The following ADGRL3 variants were observed in gnomAD, a reference collection of about 807,000 sequenced individuals.
The protein encoded by ADGRL3 is calcium-independent alpha-latrotoxin receptor 3.
In ADGRL3, 62 loss-of-function variants were observed where a neutral mutation model predicts 153.5. That is an observed-to-expected ratio of 0.40 (90% CI 0.33 to 0.50). The LOEUF (loss-of-function observed/expected upper bound fraction) is 0.50. Ranked by LOEUF, ADGRL3 falls within the 20% of genes least tolerant of loss-of-function variation. The pLI, the probability that ADGRL3 is intolerant of heterozygous loss-of-function variation, is 0.47. For synonymous variants in ADGRL3, 710 were observed against 672.5 expected, an observed-to-expected ratio of 1.06 and a Z score of -0.86; for missense variants, 1,641 against 1,859.4, an observed-to-expected ratio of 0.88 and a Z score of 2.16.
At chr4:62,029,812 C>T (rs530239918) in intron 22 of ADGRL3, among the ~76,000 whole-genome samples, 1 of 150,658 alleles carries the variant, frequency 6.6e-6, no homozygotes, top group African/African-American at 2.4e-5. Flanking sequence ...AGTATTTGAT[C>T]CTATTATTTT....
chr4:61,873,688 C>A (rs1208965872), intron 9 of ADGRL3, among the ~76,000 whole-genome samples: 1 of 152,128 alleles, frequency 6.6e-6, no homozygotes, highest in Non-Finnish European at 1.5e-5. Context: ...CATGCAGTAG[C>A]CCTCTCACTG....
chr4:61,233,217 A>G (rs1055398056), intron 1 of ADGRL3, among the ~76,000 whole-genome samples: 1 of 152,176 alleles, frequency 6.6e-6, no homozygotes, highest in South Asian at 2.1e-4. Flanking sequence ...GAGCTTCCAC[A>G]TACATACTTT....
At chr4:61,515,918 G>A (rs771327903) in intron 3 of ADGRL3, among the ~76,000 whole-genome samples, 23 of 152,122 alleles carry the variant, frequency 1.5e-4, no homozygotes, top group South Asian at 2.1e-4. Flanking sequence ...GTTGATTTTC[G>A]CAGCTTTTTG....
chr4:61,290,447 A>G (rs1451759523), intron 1 of ADGRL3, among the ~76,000 whole-genome samples: 5 of 152,094 alleles, frequency 3.3e-5, no homozygotes, highest in Non-Finnish European at 7.4e-5. Flanking sequence ...GTTTAAGCAC[A>G]TGTGCACACA....
intron 2 of ADGRL3, among the ~76,000 whole-genome samples, chr4:61,481,004 T>C (rs909476538): frequency 5.9e-5 from 9 of 152,146 alleles, no homozygotes; most frequent in African/African-American, 2.2e-4. Context: ...ATAATCAATA[T>C]TGATATCTTC....
rs564058802 is a variant in ADGRL3, at chr4:62,025,454, A to ACTTGGAG, written c.3396-3399_3396-3393dup. Reference sequence around the variant, plus strand: ...TGTTTGTCCCCTTGCATTTATAAGGACTTGGAGCACCTGGCCTGGTAGTAT... The same window carrying ACTTGGAG: ...TGTTTGTCCCCTTGCATTTATAAGGACTTGGAGCTTGGAGCACCTGGCCTGGTAGTAT... On this transcript the variant is annotated intron_variant, in intron 21 of 26. Coordinates refer to ENST00000683033, the MANE Select transcript of ADGRL3 (RefSeq NM_001387552.1). Among the ~76,000 whole-genome samples the ACTTGGAG allele has an allele frequency of 7.8e-3, 1,180 of 152,224 alleles. 5 individuals are homozygous for ACTTGGAG. The highest frequency in any genetic ancestry group is 0.011 in the Non-Finnish European group (776 of 68,014).
At chr4:61,895,072 G>A (rs945780943) in intron 10 of ADGRL3, among the ~76,000 whole-genome samples, 12 of 151,982 alleles carry the variant, frequency 7.9e-5, no homozygotes, top group African/African-American at 2.9e-4. Flanking sequence ...TGAAAAACCT[G>A]CACACTTATT....
intron 4 of ADGRL3, among the ~76,000 whole-genome samples, chr4:61,570,925 T>C (rs1316982369): frequency 6.6e-6 from 1 of 152,190 alleles, no homozygotes; most frequent in Non-Finnish European, 1.5e-5. Flanking sequence ...TATTTCAGTT[T>C]AAGCCAAATG....
At chr4:61,959,791 A>G (rs747832935) in intron 17 of ADGRL3, among the ~76,000 whole-genome samples, 1 of 152,178 alleles carries the variant, frequency 6.6e-6, no homozygotes, top group Non-Finnish European at 1.5e-5. Context: ...TTAAGAAATT[A>G]GCTTTATTAT....
chr4:61,757,082 T>C (rs535089791), intron 8 of ADGRL3, among the ~76,000 whole-genome samples: 1 of 152,330 alleles, frequency 6.6e-6, no homozygotes, highest in Admixed American at 6.5e-5. Context: ...TAAAATTCTC[T>C]TTTTTGGTTG....
intron 5 of ADGRL3, among the ~76,000 whole-genome samples, chr4:61,613,810 A>T (rs1343251014): frequency 6.6e-6 from 1 of 152,214 alleles, no homozygotes; most frequent in Admixed American, 6.5e-5. Context: ...TAAACAAAAT[A>T]TGTAAACTGA....
chr4:61,964,186 T>TC (rs2098998053), intron 17 of ADGRL3, among the ~76,000 whole-genome samples: 1 of 152,228 alleles, frequency 6.6e-6, no homozygotes, highest in South Asian at 2.1e-4. Context: ...AACTTCTTGT[T>TC]CCCATTATTA....
intron 13 of ADGRL3, among the ~76,000 whole-genome samples, chr4:61,919,171 A>C (rs2098757317): frequency 6.6e-6 from 1 of 152,206 alleles, no homozygotes; most frequent in Admixed American, 6.5e-5. Flanking sequence ...AGCAGTGTGC[A>C]TACAATGTAG....
chr4:62,034,484 G>A (rs925451528), intron 23 of ADGRL3, among the ~76,000 whole-genome samples: 2 of 151,484 alleles, frequency 1.3e-5, no homozygotes, highest in African/African-American at 4.8e-5. Flanking sequence ...CAAGAATATG[G>A]GCCAACATCA....
intron 21 of ADGRL3, among the ~76,000 whole-genome samples, chr4:62,026,711 C>T (rs1032804494): frequency 4.0e-5 from 6 of 151,784 alleles, no homozygotes; most frequent in Non-Finnish European, 5.9e-5. Flanking sequence ...GGAGGATGAA[C>T]AAATCTAGAG....
chr4:61,698,313 G>A (rs541663166), intron 6 of ADGRL3, among the ~76,000 whole-genome samples: 119 of 152,088 alleles, frequency 7.8e-4, no homozygotes, highest in African/African-American at 2.8e-3. Flanking sequence ...TTAGCCAGGC[G>A]TGGTAGCAGG....
intron 1 of ADGRL3, among the ~76,000 whole-genome samples, chr4:61,366,599 C>T (rs758304859): frequency 6.6e-6 from 1 of 152,106 alleles, no homozygotes; most frequent in Non-Finnish European, 1.5e-5. Flanking sequence ...GATCAACTTG[C>T]ATTTGACTGT....
intron 1 of ADGRL3, among the ~76,000 whole-genome samples, chr4:61,352,764 G>A (rs1258135217): frequency 6.6e-6 from 1 of 152,112 alleles, no homozygotes; most frequent in Non-Finnish European, 1.5e-5. Context: ...TGATTGTGGT[G>A]GTCTGGAACC....
chr4:61,320,819 G>A (rs2095340133), intron 1 of ADGRL3, among the ~76,000 whole-genome samples: 1 of 152,070 alleles, frequency 6.6e-6, no homozygotes, highest in Non-Finnish European at 1.5e-5. Flanking sequence ...TTATTGTTTT[G>A]CTCTTCTGGT....
Sources: gnomAD v4.1 joint callset for allele counts (sites outside exome capture counted in the v4.1 genomes callset) on GRCh38, gnomAD v4.1.1 for gene constraint, MANE v1.5 for transcripts, NCBI Gene and HGNC (gene_info 2026-07-23, HGNC 2026-07-21) for gene names.